SLC35F3: variants seen among roughly 807,000 people sequenced by gnomAD.
SLC35F3 encodes putative thiamine transporter SLC35F3.
In SLC35F3, 25 loss-of-function variants were observed where a neutral mutation model predicts 49.9. The observed-to-expected ratio is 0.50, with a 90% CI of 0.37 to 0.70. The LOEUF is 0.70. Among genes scored for constraint, SLC35F3 ranks in the 30% least tolerant of loss-of-function variants. The pLI is 0.00. For synonymous variants in SLC35F3, 275 were observed against 265.4 expected (o/e 1.04, Z -0.35); for missense variants, 525 against 639.8 (o/e 0.82, Z 1.94).
intron 2 of SLC35F3, among the ~76,000 whole-genome samples, chr1:234,186,008 C>T (rs182668783): frequency 6.4e-4 from 98 of 152,268 alleles, no homozygotes; most frequent in African/African-American, 1.7e-3. Context: ...CTGAGTGCCG[C>T]GTAGACAGTT....
chr1:234,113,601 C>G (rs758169323), intron 2 of SLC35F3, among the ~76,000 whole-genome samples: 6 of 152,142 alleles, frequency 3.9e-5, no homozygotes, highest in Non-Finnish European at 7.3e-5. Flanking sequence ...TGGTGGCTCA[C>G]GCCTGTAATC....
chr1:234,234,096 A>G (rs1336518709), intron 3 of SLC35F3, among the ~76,000 whole-genome samples: 1 of 152,212 alleles, frequency 6.6e-6, no homozygotes, highest in African/African-American at 2.4e-5. Context: ...TAGGATTCTC[A>G]GAGATCAAGG....
intron 2 of SLC35F3, among the ~76,000 whole-genome samples, chr1:234,140,002 A>AATAAAATAAAAAAATAAAAAT: frequency 9.5e-6 from 1 of 105,368 alleles, no homozygotes; most frequent in Non-Finnish European, 2.4e-5. Flanking sequence ...AATAAAATAA[A>AATAAAATAAAAAAATAAAAAT]GTAAGTGACT....
At chr1:234,295,947 C>T (rs914213177) in intron 3 of SLC35F3, among the ~76,000 whole-genome samples, 7 of 152,230 alleles carry the variant, frequency 4.6e-5, no homozygotes, top group Non-Finnish European at 1.0e-4. Context: ...CTTCTCCACT[C>T]TGGGATATAA....
At chr1:234,229,335 A>AT (rs10711310) in intron 2 of SLC35F3, among the ~76,000 whole-genome samples, 7 of 152,008 alleles carry the variant, frequency 4.6e-5, no homozygotes, top group Non-Finnish European at 8.8e-5. Flanking sequence ...AAGTGTCTTA[A>AT]TTTTTTTTGT....
chr1:234,015,804 G>A (rs966395271), intron 2 of SLC35F3, among the ~76,000 whole-genome samples: 4 of 152,074 alleles, frequency 2.6e-5, no homozygotes, highest in Non-Finnish European at 5.9e-5. Context: ...ATAAATAAAC[G>A]GGATTACAAC....
At chr1:234,004,566 A>T (rs1025386643) in intron 2 of SLC35F3, among the ~76,000 whole-genome samples, 7 of 96,236 alleles carry the variant, frequency 7.3e-5, no homozygotes, top group African/African-American at 2.4e-4. Flanking sequence ...TATTTTTAAT[A>T]AGGAAAATAG....
intron 3 of SLC35F3, among the ~76,000 whole-genome samples, chr1:234,267,472 T>C (rs1330168718): frequency 5.2e-4 from 74 of 141,380 alleles, no homozygotes; most frequent in African/African-American, 1.7e-3. Context: ...GAAGCGCCCC[T>C]CACCTCCCGG....
At chr1:234,016,356 A>G (rs1289112985) in intron 2 of SLC35F3, among the ~76,000 whole-genome samples, 3 of 152,226 alleles carry the variant, frequency 2.0e-5, no homozygotes, top group Non-Finnish European at 4.4e-5. Context: ...TCATTGTGTT[A>G]TGGTTCACCA....
At chr1:233,952,314 C>G (rs1662620788) in intron 2 of SLC35F3, among the ~76,000 whole-genome samples, 1 of 152,130 alleles carries the variant, frequency 6.6e-6, no homozygotes, top group Admixed American at 6.5e-5. Flanking sequence ...GACTTTCCTC[C>G]TTTTTTGACT....
intron 2 of SLC35F3, among the ~76,000 whole-genome samples, chr1:233,923,283 T>A (rs1662099215): frequency 6.6e-6 from 1 of 152,234 alleles, no homozygotes; most frequent in Non-Finnish European, 1.5e-5. Context: ...TCCATGAGCA[T>A]GGAATGTTCT....
At chr1:234,082,768 CT>C (rs1664899307) in intron 2 of SLC35F3, among the ~76,000 whole-genome samples, 1 of 152,162 alleles carries the variant, frequency 6.6e-6, no homozygotes, top group Non-Finnish European at 1.5e-5. Context: ...AGGCAAAACC[CT>C]TTATAAAAAC....
At chr1:234,172,428 T>C (rs1212514509) in intron 2 of SLC35F3, among the ~76,000 whole-genome samples, 2 of 152,156 alleles carry the variant, frequency 1.3e-5, no homozygotes, top group Admixed American at 6.5e-5. Context: ...GGTTTCACTG[T>C]GTTGGCCAGG....
At chr1:234,025,208 C>T (rs1447426882) in intron 2 of SLC35F3, among the ~76,000 whole-genome samples, 1 of 152,190 alleles carries the variant, frequency 6.6e-6, no homozygotes, top group African/African-American at 2.4e-5. Context: ...TTTTCTTTAT[C>T]CAGTCCACCA....
At chr1:233,930,695 C>T (rs1435454633) in intron 2 of SLC35F3, among the ~76,000 whole-genome samples, 1 of 152,136 alleles carries the variant, frequency 6.6e-6, no homozygotes, top group Non-Finnish European at 1.5e-5. Context: ...TCAATTAACA[C>T]ATATTTCATA....
At chr1:234,033,720 A>G (rs186423522) in intron 2 of SLC35F3, among the ~76,000 whole-genome samples, 65 of 152,244 alleles carry the variant, frequency 4.3e-4, no homozygotes, top group Non-Finnish European at 7.4e-4. Flanking sequence ...CTATGCGCCT[A>G]TTTTTATACC....
chr1:234,157,279 C>G (rs1666168937), intron 2 of SLC35F3, among the ~76,000 whole-genome samples: 1 of 152,014 alleles, frequency 6.6e-6, no homozygotes, highest in African/African-American at 2.4e-5. Context: ...GCTCGTTTTT[C>G]TTTTTTATAT....
intron 5 of SLC35F3, among the ~76,000 whole-genome samples, chr1:234,317,203 T>C (rs1427996248): frequency 6.6e-6 from 1 of 152,202 alleles, no homozygotes; most frequent in African/African-American, 2.4e-5. Flanking sequence ...CCTTGAAGGC[T>C]AAATAAATAA....
intron 2 of SLC35F3, among the ~76,000 whole-genome samples, chr1:233,944,781 G>A (rs931032491): frequency 3.3e-5 from 5 of 152,218 alleles, no homozygotes; most frequent in Middle Eastern, 3.2e-3. Flanking sequence ...GCTTGTTGCA[G>A]AAACTGGTAC....
Sources: gnomAD v4.1 joint callset for allele counts (sites outside exome capture counted in the v4.1 genomes callset) on GRCh38, gnomAD v4.1.1 for gene constraint, MANE v1.5 for transcripts, NCBI Gene and HGNC (gene_info 2026-07-23, HGNC 2026-07-21) for gene names.